TBCD: variants seen among roughly 807,000 people sequenced by gnomAD.
TBCD encodes tubulin-specific chaperone D.
TBCD carries 105 observed loss-of-function variants against 169.3 expected under a neutral mutation model. The observed-to-expected ratio is 0.62, with a 90% CI of 0.53 to 0.73. TBCD has a LOEUF of 0.73. Among genes scored for constraint, TBCD ranks in the 30% least tolerant of loss-of-function variants. TBCD has a pLI of 0.00. For synonymous variants in TBCD, 700 were observed against 643.9 expected (o/e 1.09, Z -1.32); for missense variants, 1,444 against 1,600.1 (o/e 0.90, Z 1.66).
intron 13 of TBCD, among the ~76,000 whole-genome samples, chr17:82,861,453 A>G (rs2056760518): frequency 6.6e-6 from 1 of 152,176 alleles, no homozygotes; most frequent in Non-Finnish European, 1.5e-5. Flanking sequence ...GGATGGAGAA[A>G]TAAAGCTGTG....
intron 7 of TBCD, among the ~76,000 whole-genome samples, chr17:82,786,413 A>T (rs2049321925): frequency 1.3e-5 from 2 of 152,046 alleles, no homozygotes; most frequent in Admixed American, 1.3e-4. Flanking sequence ...CCCTGCCCCG[A>T]GTGTGGGTGC....
Position 82,939,026 on chromosome 17 carries a change from C to T in TBCD, c.3370-341C>T, listed in dbSNP as rs116261879. On this transcript the variant is annotated intron_variant, in intron 36 of 38. Transcript: ENST00000355528. ...GGTTGGTTAATAGCAGGCGAGATTG[C>T]TTCTCTGGTGAGGGAGCAGGTTAGT... is the stretch of plus-strand genomic sequence containing the variant. 2,362 of 384,472 alleles carry T rather than the reference C, an allele frequency of 6.1e-3. 47 individuals are homozygous for T. Among genetic ancestry groups the T allele is most frequent in the African/African-American group, 0.046 (2,146 of 47,112 alleles). 23.8% of individuals were successfully genotyped at this position (384,472 alleles called of 1,614,324 possible). A position where few individuals can be genotyped will look rare whatever the true frequency, so the allele number is the denominator to read the frequency against.
At chr17:82,801,033 G>A (rs779937532) in intron 9 of TBCD, 37 bp downstream of exon 9, 10 of 1,569,632 alleles carry the variant, frequency 6.4e-6, no homozygotes, top group East Asian at 4.7e-5. Context: ...GGAGGGCCAC[G>A]GGGTGGGGAG....
intron 13 of TBCD, among the ~76,000 whole-genome samples, chr17:82,826,980 A>G (rs2052905764): frequency 6.6e-6 from 1 of 152,180 alleles, no homozygotes; most frequent in African/African-American, 2.4e-5. Context: ...CATGTTGCCC[A>G]GGCTGGTCTC....
chr17:82,818,610 A>AAC (rs149645949), intron 13 of TBCD, among the ~76,000 whole-genome samples: 55 of 151,964 alleles, frequency 3.6e-4, no homozygotes, highest in Non-Finnish European at 6.9e-4. Context: ...TGAACAAACA[A>AAC]ACACACACAC....
At chr17:82,898,166 T>A (rs1193690961) in intron 17 of TBCD, among the ~76,000 whole-genome samples, 1 of 149,076 alleles carries the variant, frequency 6.7e-6, no homozygotes, top group African/African-American at 2.5e-5. Context: ...TGGGTTTTGG[T>A]GGGAGCACAC....
Position 82,906,325 on chromosome 17 carries a change from C to G in TBCD, c.1922+272C>G, listed in dbSNP as rs2060249257. Among the ~76,000 whole-genome samples, 4 of 152,202 alleles carry G rather than the reference C, an allele frequency of 2.6e-5. 1 individual carries two copies. In the South Asian group the frequency reaches 8.3e-4, roughly 32 times the overall value. The stretch of plus-strand genomic sequence containing the variant: ...GGCATCTCCCCACGGCTGTCCTGCC[C>G]CTGCTGCCTCCTTGTGCACCTCCTG... On this transcript the variant is annotated intron_variant, in intron 20 of 38. Coordinates refer to ENST00000355528, the MANE Select transcript of TBCD (RefSeq NM_005993.5).
chr17:82,754,652 G>A (rs2047308789), intron 1 of TBCD, among the ~76,000 whole-genome samples: 1 of 152,230 alleles, frequency 6.6e-6, no homozygotes. Flanking sequence ...CCCAGAGGTA[G>A]CTTGGCAGCT....
chr17:82,941,329 C>A, intron 37 of TBCD, 70 bp from the exon 38 acceptor site: 1 of 1,357,542 alleles, frequency 7.4e-7, no homozygotes, highest in East Asian at 2.6e-5. Flanking sequence ...AAGCTTGACG[C>A]GGGACCTCCG....
At chr17:82,792,572 C>T (rs529293022) in intron 7 of TBCD, among the ~76,000 whole-genome samples, 2 of 152,300 alleles carry the variant, frequency 1.3e-5, no homozygotes, top group South Asian at 4.1e-4. Context: ...TTTCCACACT[C>T]TCTTTGAGAG....
chr17:82,900,449 T>C (rs1599368597), intron 17 of TBCD: 1 of 530,440 alleles, frequency 1.9e-6, no homozygotes, highest in Non-Finnish European at 3.3e-6. Context: ...CATGAAGCTG[T>C]GTGCACGTTT....
At chr17:82,927,848 C>G (rs2061882599) in intron 29 of TBCD, 57 bp from the exon 30 acceptor site, 2 of 1,511,220 alleles carry the variant, frequency 1.3e-6, no homozygotes, top group Admixed American at 3.4e-5. Flanking sequence ...GTGGGCAGAA[C>G]CAGGGTTGGA....
At chr17:82,848,771 C>G (rs945029836) in intron 13 of TBCD, among the ~76,000 whole-genome samples, 3 of 152,228 alleles carry the variant, frequency 2.0e-5, no homozygotes, top group African/African-American at 2.4e-5. Flanking sequence ...CTCATCCTCT[C>G]TCCTGTGTCT....
At chr17:82,810,624 C>T (rs606573) in intron 12 of TBCD, among the ~76,000 whole-genome samples, 2,274 of 152,298 alleles carry the variant, frequency 0.015, 49 homozygotes, top group African/African-American at 0.053. Context: ...TGTGCTCACA[C>T]GTGTGAGGCA....
At position 82,807,779 on chromosome 17, in the gene TBCD, C is replaced by T. The variant is rs1319089240; in HGVS notation, c.1148+111C>T. The T allele has an allele frequency of 3.0e-5, 23 of 759,632 alleles. No homozygotes were observed. The East Asian group carries it at 5.7e-4, about 19-fold the overall frequency. 47.1% of individuals were successfully genotyped at this position (759,632 alleles called of 1,614,324 possible). A position where few individuals can be genotyped will look rare whatever the true frequency, so the allele number is the denominator to read the frequency against. ...TGGAGTGGCAGCGCGGCCCCCTCCT[C>T]GGCCCCCTCCAACTTATGTGTGTTG... is the stretch of plus-strand genomic sequence containing the variant. On this transcript the variant is annotated intron_variant, in intron 11 of 38. Transcript: ENST00000355528.
At chr17:82,873,166 C>T (rs2057731169) in intron 14 of TBCD, among the ~76,000 whole-genome samples, 2 of 152,272 alleles carry the variant, frequency 1.3e-5, no homozygotes, top group African/African-American at 2.4e-5. Context: ...GATGGTGGTT[C>T]CCCTTTCATG....
intron 12 of TBCD, among the ~76,000 whole-genome samples, chr17:82,810,447 C>T (rs1450633359): frequency 6.6e-6 from 1 of 152,206 alleles, no homozygotes; most frequent in African/African-American, 2.4e-5. Context: ...GGTCTCAGAA[C>T]AAAACTGAGT....
chr17:82,766,122 A>G (rs2048004404), intron 3 of TBCD, 145 bp from the exon 4 acceptor site: 2 of 671,828 alleles, frequency 3.0e-6, no homozygotes, highest in Non-Finnish European at 5.1e-6. Flanking sequence ...CTACGGTCTT[A>G]CTAAATTGTG....
intron 14 of TBCD, among the ~76,000 whole-genome samples, chr17:82,882,163 A>G (rs745676523): frequency 3.3e-5 from 5 of 152,218 alleles, no homozygotes; most frequent in African/African-American, 9.6e-5. Context: ...GACTTTCTCA[A>G]CCGGCCCTGG....
Sources: gnomAD v4.1 joint callset for allele counts (sites outside exome capture counted in the v4.1 genomes callset) on GRCh38, gnomAD v4.1.1 for gene constraint, MANE v1.5 for transcripts, NCBI Gene and HGNC (gene_info 2026-07-23, HGNC 2026-07-21) for gene names.